Variants in CRTC3 observed in about 807,000 individuals in gnomAD.
CRTC3 encodes the protein CREB regulated transcription coactivator 3, also known as CREB-regulated transcription coactivator 3.
A neutral mutation model predicts 74.5 loss-of-function variants in CRTC3; 26 were observed. That is an observed-to-expected ratio of 0.35 (90% CI 0.26 to 0.48). CRTC3 has a LOEUF of 0.48. CRTC3 is among the 20% of genes least tolerant of loss of function. The pLI is 0.99. For missense variants in CRTC3, 760 were observed against 787.3 expected, an observed-to-expected ratio of 0.97 and a Z score of 0.41; for synonymous variants, 377 against 325.8, an observed-to-expected ratio of 1.16 and a Z score of -1.69.
intron 2 of CRTC3, among the ~76,000 whole-genome samples, chr15:90,555,091 G>C (rs1180623703): frequency 1.3e-5 from 2 of 151,982 alleles, no homozygotes; most frequent in Admixed American, 6.6e-5. Flanking sequence ...CTTTGTGTGG[G>C]GGCAGAAAAC....
intron 3 of CRTC3, chr15:90,596,519 C>T (rs534622689): frequency 1.3e-5 from 2 of 152,210 alleles, no homozygotes; most frequent in South Asian, 4.2e-4. Context: ...GTCAGATTCA[C>T]TGATCATGAG....
intron 1 of CRTC3, among the ~76,000 whole-genome samples, chr15:90,538,152 A>T (rs1375968732): frequency 6.6e-6 from 1 of 152,270 alleles, no homozygotes; most frequent in Non-Finnish European, 1.5e-5. Context: ...TTTTTGTATC[A>T]GTAAATCAAT....
intron 13 of CRTC3, 139 bp downstream of exon 13, chr15:90,638,954 C>G: frequency 2.8e-6 from 2 of 715,974 alleles, no homozygotes; most frequent in East Asian, 2.7e-5. Context: ...CTAGAAGAGC[C>G]TTTCATCTTC....
intron 2 of CRTC3, among the ~76,000 whole-genome samples, chr15:90,585,659 C>G (rs1222863584): frequency 6.6e-6 from 1 of 152,194 alleles, no homozygotes; most frequent in African/African-American, 2.4e-5. Context: ...CACTTCAGCT[C>G]TCTGTACCTT....
intron 7 of CRTC3, among the ~76,000 whole-genome samples, chr15:90,615,092 T>TAAATAAATAAATAAATA (rs1170678951): frequency 1.1e-4 from 16 of 151,930 alleles, no homozygotes; most frequent in African/African-American, 2.9e-4. Context: ...ATAAATAAAT[T>TAAATAAATAAATAAATA]AATTAATTGA....
At position 90,625,958 on chromosome 15, in the gene CRTC3, C is replaced by T; in HGVS notation, c.932C>T (p.Ala311Val). 1.2e-6 allele frequency: 2 copies of T among 1,614,196 alleles called. No individual in the cohort carries two copies. Among genetic ancestry groups the T allele is most frequent in the Non-Finnish European group, 1.7e-6 (2 of 1,180,012 alleles). Reference protein sequence around the residue: ...SVGNSVNNIPAAMTHLGIRSS... With the variant: ...SVGNSVNNIPVAMTHLGIRSS... ...GGGAATAGTGTGAACAACATCCCAG[C>T]TGCTATGACCCACCTGGGTATAAGA... Residue 311 changes from alanine (A) to valine (V), a missense_variant, in exon 10 of 15, where the codon GCT becomes GTT. Physicochemically the swap from Ala to Val is moderately conservative, Grantham distance 64. Coordinates refer to ENST00000268184, the MANE Select transcript of CRTC3 (RefSeq NM_022769.5).
intron 9 of CRTC3, among the ~76,000 whole-genome samples, chr15:90,620,599 G>T (rs540313374): frequency 2.6e-5 from 4 of 152,220 alleles, no homozygotes; most frequent in South Asian, 4.1e-4. Context: ...AGCTGCTGGG[G>T]AGGTTCACAG....
Position 90,573,541 on chromosome 15 carries a change from G to A in CRTC3, c.232-20095G>A, listed in dbSNP as rs538460284. On this transcript the variant is annotated intron_variant, in intron 2 of 14. Coordinates refer to ENST00000268184, the MANE Select transcript of CRTC3 (RefSeq NM_022769.5). ...GAATTTATTTTGATGTGAGATTTGA[G>A]AGAGGGTTCCCATTTTTTTTTTCCT... Among the ~76,000 whole-genome samples the A allele has an allele frequency of 4.0e-5, 4 of 101,220 alleles. No individual in the cohort carries two copies. The South Asian group carries it at 1.5e-3, about 38-fold the overall frequency. The allele number at this position is 101,220 out of a possible 152,430, so 66.4% of individuals were successfully genotyped here.
intron 2 of CRTC3, among the ~76,000 whole-genome samples, chr15:90,559,157 G>C (rs1420574342): frequency 6.6e-6 from 1 of 152,196 alleles, no homozygotes; most frequent in Non-Finnish European, 1.5e-5. Context: ...GTCTAGAGCA[G>C]TACCTGGCCA....
At chr15:90,628,898 C>T (rs1269536574) in intron 10 of CRTC3, among the ~76,000 whole-genome samples, 3 of 152,140 alleles carry the variant, frequency 2.0e-5, no homozygotes. Context: ...TTGTACAGCC[C>T]TAGGGTCCTT....
At chr15:90,560,749 G>A (rs1966993952) in intron 2 of CRTC3, among the ~76,000 whole-genome samples, 2 of 152,160 alleles carry the variant, frequency 1.3e-5, no homozygotes, top group South Asian at 4.1e-4. Context: ...GTTTGAGTCT[G>A]AACAATAAAA....
At chr15:90,619,665 C>G in intron 8 of CRTC3, 76 bp from the exon 9 acceptor site, 1 of 1,222,258 alleles carries the variant, frequency 8.2e-7, no homozygotes, top group East Asian at 2.3e-5. Flanking sequence ...GCCTCAAGGT[C>G]CTTACGAAGA....
intron 2 of CRTC3, among the ~76,000 whole-genome samples, chr15:90,547,576 G>C (rs1412814874): frequency 1.3e-5 from 2 of 152,210 alleles, no homozygotes; most frequent in Non-Finnish European, 2.9e-5. Context: ...AACTTTTCAG[G>C]CTGCCTTCTG....
At chr15:90,597,223 T>C (rs911022017) in intron 3 of CRTC3, among the ~76,000 whole-genome samples, 1 of 152,260 alleles carries the variant, frequency 6.6e-6, no homozygotes, top group Non-Finnish European at 1.5e-5. Context: ...AGATGTGCAG[T>C]CTGTAGCAGC....
intron 2 of CRTC3, among the ~76,000 whole-genome samples, chr15:90,546,139 GT>G (rs1052808481): frequency 3.3e-5 from 5 of 151,730 alleles, no homozygotes; most frequent in South Asian, 4.2e-4. Context: ...GTTCCCGAAG[GT>G]TTTTTTTCTA....
intron 6 of CRTC3, among the ~76,000 whole-genome samples, chr15:90,611,346 G>A (rs1312949888): frequency 1.3e-5 from 2 of 152,148 alleles, no homozygotes; most frequent in Non-Finnish European, 2.9e-5. Context: ...ACCGGCCCTC[G>A]GTGGCTCTGA....
At chr15:90,581,388 C>T (rs1051435316) in intron 2 of CRTC3, among the ~76,000 whole-genome samples, 1 of 152,144 alleles carries the variant, frequency 6.6e-6, no homozygotes, top group Admixed American at 6.5e-5. Context: ...GCATTTTATT[C>T]TTTCCAGACA....
At position 90,619,672 on chromosome 15, in the gene CRTC3, A is replaced by G. The variant is rs929518444; in HGVS notation, c.700-69A>G. 3.8e-4 allele frequency: 506 copies of G among 1,348,086 alleles called. 1 individual carries two copies. The highest frequency in any genetic ancestry group is 3.6e-4 in the Middle Eastern group (2 of 5,562). The allele number at this position is 1,348,086 out of a possible 1,614,324, so 83.5% of individuals were successfully genotyped here. ...CCACTAGAGCCTCAAGGTCCTTACGAAGACACTTTTCAAAAACTTGAATTT... is the reference window on the plus strand; with the variant it reads ...CCACTAGAGCCTCAAGGTCCTTACGGAGACACTTTTCAAAAACTTGAATTT... On this transcript the variant is annotated intron_variant, in intron 8 of 14. Coordinates refer to ENST00000268184, the MANE Select transcript of CRTC3 (RefSeq NM_022769.5).
intron 2 of CRTC3, among the ~76,000 whole-genome samples, chr15:90,572,429 A>G (rs1375270488): frequency 1.3e-5 from 2 of 152,214 alleles, no homozygotes; most frequent in African/African-American, 4.8e-5. Flanking sequence ...TCCTAGAAGT[A>G]AAATAGCTGG....
Sources: gnomAD v4.1 joint callset for allele counts (sites outside exome capture counted in the v4.1 genomes callset) on GRCh38, gnomAD v4.1.1 for gene constraint, MANE v1.5 for transcripts, NCBI Gene and HGNC (gene_info 2026-07-23, HGNC 2026-07-21) for gene names.